The following EXOC4 variants were observed in gnomAD, a reference collection of about 807,000 sequenced individuals.
EXOC4 encodes the protein SEC8-like 1.
A neutral mutation model predicts 107.2 loss-of-function variants in EXOC4; 71 were observed. The observed-to-expected ratio is 0.66, with a 90% CI of 0.55 to 0.81. The LOEUF (loss-of-function observed/expected upper bound fraction) is 0.81. EXOC4 is among the 30% of genes least tolerant of loss of function. The pLI is 0.00. For synonymous variants in EXOC4, 456 were observed against 441.2 expected (o/e 1.03, Z -0.42); for missense variants, 1,108 against 1,189.6 (o/e 0.93, Z 1.01).
intron 9 of EXOC4, among the ~76,000 whole-genome samples, chr7:133,516,218 T>C (rs989027586): frequency 1.3e-5 from 2 of 152,204 alleles, no homozygotes; most frequent in African/African-American, 4.8e-5. Flanking sequence ...TCACATACCA[T>C]ACTGTTCACC....
At chr7:133,285,035 C>G (rs1052131130) in intron 2 of EXOC4, among the ~76,000 whole-genome samples, 2 of 152,032 alleles carry the variant, frequency 1.3e-5, no homozygotes, top group African/African-American at 2.4e-5. Flanking sequence ...ATATTAACTT[C>G]CAACTATGGA....
rs901979520 is a variant in EXOC4 at position 133,872,676 on chromosome 7, G to A, written c.1735-22923G>A. Reference sequence around the variant, plus strand: ...ATGCTCTGTCTATATTTTGCGGTGAGCTCTATTGTTTTCAGTTACATGGGA... The same window carrying A: ...ATGCTCTGTCTATATTTTGCGGTGAACTCTATTGTTTTCAGTTACATGGGA... On this transcript the variant is annotated intron_variant, in intron 11 of 17. Coordinates refer to ENST00000253861, the MANE Select transcript of EXOC4 (RefSeq NM_021807.4). Among the ~76,000 whole-genome samples, 5 of 152,302 alleles carry A rather than the reference G, an allele frequency of 3.3e-5. No individual in the cohort carries two copies. In the East Asian group the frequency reaches 9.6e-4, roughly 29 times the overall value.
chr7:133,625,435 G>C (rs560854437), intron 9 of EXOC4, among the ~76,000 whole-genome samples: 34 of 152,290 alleles, frequency 2.2e-4, no homozygotes, highest in Non-Finnish European at 3.2e-4. Flanking sequence ...TTTGACACAA[G>C]ATCATTTTGA....
At chr7:134,075,408 G>A in the EXOC4 span, among the ~76,000 whole-genome samples, 34 of 152,160 alleles carry the variant, frequency 2.2e-4, no homozygotes, top group Non-Finnish European at 3.5e-4. Context: ...AGGAAAAAGG[G>A]GTTTAATGGA....
intron 9 of EXOC4, among the ~76,000 whole-genome samples, chr7:133,546,522 C>T (rs1263534054): frequency 2.6e-5 from 4 of 152,162 alleles, no homozygotes; most frequent in Admixed American, 6.5e-5. Flanking sequence ...TCCCAGTGTG[C>T]TGGGATTGCA....
At chr7:133,290,533 G>A (rs1794380908) in intron 3 of EXOC4, among the ~76,000 whole-genome samples, 1 of 152,174 alleles carries the variant, frequency 6.6e-6, no homozygotes, top group Non-Finnish European at 1.5e-5. Flanking sequence ...CATTTGTGTA[G>A]CAAATATACA....
chr7:133,385,299 T>C (rs764149501), intron 7 of EXOC4, among the ~76,000 whole-genome samples: 19 of 152,204 alleles, frequency 1.2e-4, no homozygotes, highest in Non-Finnish European at 2.5e-4. Context: ...CAGCTATTTT[T>C]TTCTGCCACT....
At chr7:133,451,077 A>G (rs1563071043) in intron 7 of EXOC4, among the ~76,000 whole-genome samples, 1 of 152,202 alleles carries the variant, frequency 6.6e-6, no homozygotes, top group Non-Finnish European at 1.5e-5. Flanking sequence ...CCAAGTAAGC[A>G]GATTACTTTC....
intron 9 of EXOC4, among the ~76,000 whole-genome samples, chr7:133,624,182 G>C (rs1008804573): frequency 2.0e-5 from 3 of 152,094 alleles, no homozygotes; most frequent in Admixed American, 2.0e-4. Flanking sequence ...ATGTCAGATG[G>C]GGCATGCCAC....
intron 9 of EXOC4, among the ~76,000 whole-genome samples, chr7:133,622,791 C>T (rs1802365572): frequency 6.6e-6 from 1 of 152,138 alleles, no homozygotes; most frequent in South Asian, 2.1e-4. Context: ...CCGTTTTAGA[C>T]TTTTCCTGCA....
chr7:133,336,413 A>G (rs542182759), intron 5 of EXOC4, among the ~76,000 whole-genome samples: 35 of 152,204 alleles, frequency 2.3e-4, no homozygotes, highest in African/African-American at 8.2e-4. Context: ...CATCTTGCCA[A>G]ATTCTCCCCC....
chr7:133,478,227 A>G (rs191743979), intron 8 of EXOC4, among the ~76,000 whole-genome samples: 15 of 151,704 alleles, frequency 9.9e-5, no homozygotes, highest in Admixed American at 8.5e-4. Flanking sequence ...CATGCTCTCA[A>G]CCATCACCGC....
chr7:133,409,681 T>G (rs905363083), intron 7 of EXOC4, among the ~76,000 whole-genome samples: 79 of 152,308 alleles, frequency 5.2e-4, no homozygotes, highest in African/African-American at 1.9e-3. Context: ...GCTGTGGTCA[T>G]TATTAATTCC....
chr7:134,088,504 A>G, the EXOC4 span, among the ~76,000 whole-genome samples: 1 of 152,182 alleles, frequency 6.6e-6, no homozygotes, highest in Non-Finnish European at 1.5e-5. Flanking sequence ...ATTTTAACCT[A>G]AAAGTTAAAA....
intron 11 of EXOC4, among the ~76,000 whole-genome samples, chr7:133,833,566 G>C (rs1480153800): frequency 1.3e-5 from 2 of 152,132 alleles, no homozygotes; most frequent in East Asian, 1.9e-4. Context: ...TTGTTTGGTT[G>C]GTTGGTTGGT....
intron 11 of EXOC4, among the ~76,000 whole-genome samples, chr7:133,879,012 A>G (rs1798907753): frequency 6.6e-6 from 1 of 152,180 alleles, no homozygotes. Flanking sequence ...GGGGTGAGCC[A>G]CTGCGCCTGG....
chr7:133,592,241 A>G (rs941630630), intron 9 of EXOC4, among the ~76,000 whole-genome samples: 5 of 151,938 alleles, frequency 3.3e-5, no homozygotes, highest in Non-Finnish European at 7.4e-5. Flanking sequence ...TTTTAAAAAA[A>G]TTTCTGTATA....
chr7:133,948,429 A>G (rs1800604727), intron 14 of EXOC4, among the ~76,000 whole-genome samples: 1 of 152,218 alleles, frequency 6.6e-6, no homozygotes. Flanking sequence ...CTGAAGTGAC[A>G]TGGAAGGACT....
chr7:133,748,502 C>A (rs538616203), intron 10 of EXOC4, among the ~76,000 whole-genome samples: 3 of 152,208 alleles, frequency 2.0e-5, no homozygotes, highest in Admixed American at 1.3e-4. Flanking sequence ...AAAATTACTC[C>A]CAGGTTTGGA....
Sources: gnomAD v4.1 joint callset for allele counts (sites outside exome capture counted in the v4.1 genomes callset) on GRCh38, gnomAD v4.1.1 for gene constraint, MANE v1.5 for transcripts, NCBI Gene and HGNC (gene_info 2026-07-23, HGNC 2026-07-21) for gene names.